KIDINS220: variants seen among roughly 807,000 people sequenced by gnomAD.
The protein encoded by KIDINS220 is kinase D interacting substrate 220.
In KIDINS220, 63 loss-of-function variants were observed where a neutral mutation model predicts 157.6. The ratio of observed to expected loss-of-function variants is 0.40; its 90% confidence interval spans 0.33 to 0.49. KIDINS220 has a LOEUF of 0.49. Among genes scored for constraint, KIDINS220 ranks in the 20% least tolerant of loss-of-function variants. The pLI, the probability that KIDINS220 is intolerant of heterozygous loss-of-function variation, is 0.66. For synonymous variants in KIDINS220, 732 were observed against 783.6 expected (o/e 0.93, Z 1.10); for missense variants, 1,772 against 2,171.2 (o/e 0.82, Z 3.65).
Position 8,729,446 on chromosome 2 carries a change from T to A in KIDINS220, c.*1274A>T. 1 of 985,480 alleles carries A rather than the reference T, an allele frequency of 1.0e-6. No homozygotes were observed. Among genetic ancestry groups the A allele is most frequent in the African/African-American group, 1.7e-5 (1 of 57,388 alleles). The allele number at this position is 985,480 out of a possible 1,614,324, so 61.0% of individuals were successfully genotyped here. A position where few individuals can be genotyped will look rare whatever the true frequency, so the allele number is the denominator to read the frequency against. The stretch of plus-strand genomic sequence containing the variant: ...CAGAATTCATTCTACATAAATGAGC[T>A]ATGTTAAAACGATAACAATATTTCA... On this transcript the variant is annotated 3_prime_UTR_variant, in exon 30 of 30. Coordinates refer to ENST00000256707, the MANE Select transcript of KIDINS220 (RefSeq NM_020738.4).
At position 8,785,974 on chromosome 2, in the gene KIDINS220, T is replaced by C; in HGVS notation, c.1996A>G (p.Ile666Val). ...CLPSFVIFLF[I>V]IGCIISGITL... ...ATTCCAGATATAATGCAGCCAATGA[T>C]AAAAAGGAAGATGACAAAAGATGGG... Residue 666 changes from isoleucine (I) to valine (V), a missense_variant, in exon 17 of 30, where the codon ATC becomes GTC. Coordinates refer to ENST00000256707, the MANE Select transcript of KIDINS220 (RefSeq NM_020738.4). 6.2e-7 allele frequency: 1 copy of C among 1,612,600 alleles called. No homozygotes were observed. The highest frequency in any genetic ancestry group is 8.5e-7 in the Non-Finnish European group (1 of 1,179,602).
chr2:8,729,593 T>C lies in KIDINS220; in HGVS notation c.*1127A>G, dbSNP rs919004294. On this transcript the variant is annotated 3_prime_UTR_variant, in exon 30 of 30. Coordinates refer to ENST00000256707, the MANE Select transcript of KIDINS220 (RefSeq NM_020738.4). ...GTCACAGCACTTATATAGATATATA[T>C]ATATATTTTACCCTTGCTTTGTTAC... 11 of 973,434 alleles carry C rather than the reference T, an allele frequency of 1.1e-5. No homozygotes were observed. Among genetic ancestry groups the C allele is most frequent in the East Asian group, 2.3e-4 (2 of 8,788 alleles). The allele number at this position is 973,434 out of a possible 1,614,324, so 60.3% of individuals were successfully genotyped here. A position where few individuals can be genotyped will look rare whatever the true frequency, so the allele number is the denominator to read the frequency against.
intron 21 of KIDINS220, among the ~76,000 whole-genome samples, chr2:8,774,221 C>A (rs7608773): frequency 0.95 from 142,907 of 151,118 alleles, 67,784 homozygotes; most frequent in Middle Eastern, 0.99. Context: ...ACTTAAACCC[C>A]GAAGGCGGAG....
chr2:8,785,913 T>C lies in KIDINS220; in HGVS notation c.2057A>G (p.His686Arg). The C allele has an allele frequency of 6.2e-7, 1 of 1,614,224 alleles. No homozygotes were observed. The highest frequency in any genetic ancestry group is 1.1e-5 in the South Asian group (1 of 91,088). Residue 686 changes from histidine to arginine, a missense_variant, in exon 17 of 30, where the codon CAT becomes CGT. By Grantham distance (29) the His-to-Arg change is conservative. Transcript: ENST00000256707. ...TATGAGGACAGCATTTACAGTCAGA[T>C]GCTTTGGGTCAACTCTAAATATAGC... ...LLAIFRVDPKHLTVNAVLISI... is the reference protein window; with the variant it reads ...LLAIFRVDPKRLTVNAVLISI...
At chr2:8,831,767 C>T (rs761105123) in intron 1 of KIDINS220, among the ~76,000 whole-genome samples, 1 of 152,210 alleles carries the variant, frequency 6.6e-6, no homozygotes, top group Non-Finnish European at 1.5e-5. Context: ...GGAACTGACC[C>T]GGCACACACA....
chr2:8,757,617 C>T, intron 22 of KIDINS220: 1 of 1,601,734 alleles, frequency 6.2e-7, no homozygotes, highest in Middle Eastern at 1.7e-4. Flanking sequence ...TCCTTCGAGG[C>T]AGATAACCCA....
chr2:8,781,153 A>ATATATAATATATATATAT (rs70946383), intron 17 of KIDINS220, among the ~76,000 whole-genome samples: 3 of 130,408 alleles, frequency 2.3e-5, no homozygotes, highest in African/African-American at 8.5e-5. Context: ...ATATATATAT[A>ATATATAATATATATATAT]ATATATATAT....
intron 26 of KIDINS220, among the ~76,000 whole-genome samples, chr2:8,742,137 T>C (rs1055299087): frequency 3.3e-5 from 5 of 152,214 alleles, no homozygotes; most frequent in African/African-American, 7.2e-5. Context: ...ACTTTTTTTT[T>C]TGAGACAAGG....
intron 15 of KIDINS220, among the ~76,000 whole-genome samples, chr2:8,787,165 C>G (rs1250414545): frequency 1.3e-5 from 2 of 151,000 alleles, no homozygotes; most frequent in Non-Finnish European, 3.0e-5. Flanking sequence ...TAAAAATATT[C>G]CCCCAATTAT....
chr2:8,813,157 G>T, intron 5 of KIDINS220, 80 bp downstream of exon 5: 1 of 835,286 alleles, frequency 1.2e-6, no homozygotes, highest in African/African-American at 1.7e-5. Context: ...CCACCACGAA[G>T]CCAAATATAA....
At position 8,732,002 on chromosome 2, in the gene KIDINS220, A is replaced by G. The variant is rs772062301; in HGVS notation, c.4054-20T>C. The G allele has an allele frequency of 2.0e-6, 3 of 1,529,464 alleles. No homozygotes were observed. Among genetic ancestry groups the G allele is most frequent in the South Asian group, 2.7e-5 (2 of 75,284 alleles). The allele number at this position is 1,529,464 out of a possible 1,614,324, so 94.7% of individuals were successfully genotyped here. On this transcript the variant is annotated intron_variant, in intron 29 of 29. Transcript: ENST00000256707. ...TTGTGACTGTGAAGACAGAAAAAAAATAATTTAAAAATTCAAATAAGAAGA... is the reference window on the plus strand; with the variant it reads ...TTGTGACTGTGAAGACAGAAAAAAAGTAATTTAAAAATTCAAATAAGAAGA...
chr2:8,779,121 T>C lies in KIDINS220; in HGVS notation c.2389A>G (p.Lys797Glu), dbSNP rs1671357825. Reference protein sequence around the residue: ...MLDTVRVLFSKGPFIAIFASD... With the variant: ...MLDTVRVLFSEGPFIAIFASD... ...GCAAAAATGGCAATGAACGGGCCTT[T>C]TGAAAACAGAACTCGGACCTGTGGC... The change falls in exon 19 of 30, where the codon AAA (lysine) becomes GAA (glutamate). Residue 797 changes from lysine (K) to glutamate (E), a missense_variant. Lys to Glu is a moderately conservative substitution (Grantham distance 56). This residue lies in a region of KIDINS220 where 725 missense variants were observed against 1,017.1 expected (regional missense o/e 0.71). Transcript: ENST00000256707. 6.2e-7 allele frequency: 1 copy of C among 1,613,510 alleles called. No individual in the cohort carries two copies. Among genetic ancestry groups the C allele is most frequent in the Non-Finnish European group, 8.5e-7 (1 of 1,179,986 alleles).
chr2:8,747,252 A>G (rs1237286875), intron 25 of KIDINS220, 51 bp from the exon 26 acceptor site: 1 of 1,489,796 alleles, frequency 6.7e-7, no homozygotes, highest in Non-Finnish European at 9.4e-7. Flanking sequence ...GGGGGGAGCC[A>G]AACTGTGAAG....
At position 8,731,075 on chromosome 2, in the gene KIDINS220, G is replaced by C. The variant is rs778969597; in HGVS notation, c.4961C>G (p.Ser1654Cys). The stretch of plus-strand genomic sequence containing the variant: ...GCTGCTGGCTATCAAGCTGCATTCG[G>C]AAGGGCTTTTCTTGTCTTCTGAACA... The part of the protein sequence containing the change: ...SICSEDKKSP[S>C]ECSLIASSPE... The change falls in exon 30 of 30, where the codon TCC becomes TGC. Residue 1654 changes from serine to cysteine, a missense_variant. This residue lies in a region of KIDINS220 where 793 missense variants were observed against 885.5 expected (regional missense o/e 0.90). Transcript: ENST00000256707. This position sits in a 1 kb window ranked among gnomAD's most constrained non-coding sequence, Gnocchi z 5.2. 38 of 1,614,096 alleles carry C rather than the reference G, an allele frequency of 2.4e-5. No homozygotes were observed. The East Asian group carries it at 8.5e-4, about 36-fold the overall frequency.
rs141901243 is a variant in KIDINS220, at chr2:8,829,032, G to C, written c.-36-1903C>G. Among the ~76,000 whole-genome samples the C allele has an allele frequency of 4.4e-3, 663 of 152,298 alleles. 3 individuals are homozygous for C. Among genetic ancestry groups the C allele is most frequent in the African/African-American group, 0.015 (630 of 41,560 alleles). The stretch of plus-strand genomic sequence containing the variant: ...CCTTGCGATGGAGTGAATATGTTTT[G>C]ACACAGGAAGGAAATCTATCTCTGG... On this transcript the variant is annotated intron_variant, in intron 1 of 29. Transcript: ENST00000256707.
chr2:8,836,868 G>T (rs1680491247), intron 1 of KIDINS220, among the ~76,000 whole-genome samples: 1 of 152,066 alleles, frequency 6.6e-6, no homozygotes. Flanking sequence ...ATTTTTCATC[G>T]GTTTAAACCT....
At chr2:8,819,606 A>T (rs1387905095) in intron 2 of KIDINS220, among the ~76,000 whole-genome samples, 1 of 152,148 alleles carries the variant, frequency 6.6e-6, no homozygotes, top group Admixed American at 6.5e-5. Flanking sequence ...GACGGATCAC[A>T]TGAGGCCAGG....
chr2:8,797,335 A>G (rs16866801), intron 10 of KIDINS220, among the ~76,000 whole-genome samples: 3,250 of 152,338 alleles, frequency 0.021, 131 homozygotes, highest in African/African-American at 0.075. Flanking sequence ...GAAAACCTCA[A>G]AAGAGTTCAT....
At chr2:8,781,747 T>C (rs1036934836) in intron 17 of KIDINS220, among the ~76,000 whole-genome samples, 1 of 152,196 alleles carries the variant, frequency 6.6e-6, no homozygotes. Context: ...CTTATCAAAA[T>C]TTGTGGGACG....
Sources: gnomAD v4.1 joint callset for allele counts (sites outside exome capture counted in the v4.1 genomes callset) on GRCh38, gnomAD v4.1.1 for gene constraint, gnomAD v4.1.1 regional missense constraint, Gnocchi (gnomAD v3.1) non-coding constraint, MANE v1.5 for transcripts, NCBI Gene and HGNC (gene_info 2026-07-23, HGNC 2026-07-21) for gene names.